Variants in TERF2 observed in about 807,000 individuals in gnomAD.
TERF2 encodes telomeric repeat-binding factor 2.
Under a neutral mutation model 56.1 loss-of-function variants are expected in TERF2, and 16 were observed. The ratio of observed to expected loss-of-function variants is 0.29; its 90% CI spans 0.19 to 0.43. The LOEUF (loss-of-function observed/expected upper bound fraction) is 0.43, where lower values mean the gene tolerates loss of function less well. Ranked by LOEUF, TERF2 falls within the 20% of genes least tolerant of loss-of-function variation. The probability of loss-of-function intolerance (pLI) is 1.00; values close to 1 mark genes in which losing one functional copy is unlikely to be tolerated. For synonymous variants in TERF2, 296 were observed against 282.1 expected (o/e 1.05, Z -0.50); for missense variants, 547 against 712.9 (o/e 0.77, Z 2.65).
rs560758673 is a variant in TERF2, at chr16:69,376,413, G to A, written c.607-4058C>T. 5.3e-5 allele frequency among the ~76,000 whole-genome samples: 8 copies of A among 152,192 alleles called. No individual in the cohort carries two copies. The South Asian group carries it at 8.3e-4, about 16-fold the overall frequency. On this transcript the variant is annotated intron_variant, in intron 3 of 9. Transcript: ENST00000254942. Reference sequence around the variant, plus strand: ...TTCTGTTCTACTAATCTCTATAGTCGTAATTACTGTAACTTTCTCATAATT... The same window carrying A: ...TTCTGTTCTACTAATCTCTATAGTCATAATTACTGTAACTTTCTCATAATT...
intron 3 of TERF2, among the ~76,000 whole-genome samples, chr16:69,382,469 A>G (rs1385874396): frequency 1.3e-5 from 2 of 152,214 alleles, no homozygotes; most frequent in South Asian, 2.1e-4. Context: ...GCAGCCCCCA[A>G]TGCGCCTCAC....
At chr16:69,362,616 C>T (rs1025516227) in intron 7 of TERF2, among the ~76,000 whole-genome samples, 1 of 152,150 alleles carries the variant, frequency 6.6e-6, no homozygotes, top group African/African-American at 2.4e-5. Context: ...ACGTTAAATG[C>T]TTGGGTGTGG....
At chr16:69,367,703 G>A (rs2013404287) in intron 6 of TERF2, among the ~76,000 whole-genome samples, 2 of 152,152 alleles carry the variant, frequency 1.3e-5, no homozygotes, top group Admixed American at 1.3e-4. Flanking sequence ...GTTAGGAGAG[G>A]GGGCAAACTG....
chr16:69,367,494 C>T (rs544788435), intron 6 of TERF2, among the ~76,000 whole-genome samples: 2 of 152,212 alleles, frequency 1.3e-5, no homozygotes, highest in East Asian at 1.9e-4. Context: ...CTCAAGCGAT[C>T]CACCCACCTC....
chr16:69,357,652 ACTT>A lies in TERF2; in HGVS notation c.1427-94_1427-92del, dbSNP rs1459814874. On this transcript the variant is annotated intron_variant, in intron 8 of 9. Coordinates refer to ENST00000254942, the MANE Select transcript of TERF2 (RefSeq NM_005652.5). ...GACATGGAATGTCCCCAAAGGGAAA[ACTT>A]CTTCAAATTTCACAAGCATTGAGAA... The A allele has an allele frequency of 7.5e-6, 11 of 1,468,230 alleles. No homozygotes were observed. In the East Asian group the frequency reaches 1.1e-4, roughly 15 times the overall value. 91.0% of individuals were successfully genotyped at this position (1,468,230 alleles called of 1,614,324 possible). A position where few individuals can be genotyped will look rare whatever the true frequency, so the allele number is the denominator to read the frequency against.
intron 8 of TERF2, among the ~76,000 whole-genome samples, chr16:69,357,782 C>G (rs1039965259): frequency 6.6e-6 from 1 of 152,034 alleles, no homozygotes; most frequent in Non-Finnish European, 1.5e-5. Context: ...GCTTTACAAA[C>G]AGGCATCCGT....
chr16:69,362,806 T>A (rs2142715203), intron 7 of TERF2, among the ~76,000 whole-genome samples: 1 of 152,346 alleles, frequency 6.6e-6, no homozygotes, highest in Admixed American at 6.5e-5. Context: ...AGTGTCTGAA[T>A]TCAGAGTCTT....
At chr16:69,359,311 TG>T in intron 8 of TERF2, among the ~76,000 whole-genome samples, 1 of 152,270 alleles carries the variant, frequency 6.6e-6, no homozygotes, top group East Asian at 1.9e-4. Flanking sequence ...GCGGATCACT[TG>T]AGGTCAGGAG....
intron 2 of TERF2, among the ~76,000 whole-genome samples, chr16:69,384,960 T>C (rs180945015): frequency 6.6e-6 from 1 of 152,284 alleles, no homozygotes; most frequent in Admixed American, 6.5e-5. Context: ...ATACCTGCAT[T>C]TGCCTCTCAA....
chr16:69,369,073 A>C (rs2013465247), intron 5 of TERF2, among the ~76,000 whole-genome samples: 1 of 77,886 alleles, frequency 1.3e-5, no homozygotes, highest in African/African-American at 6.7e-5. Context: ...GAGAATCCTT[A>C]TCTATATAAC....
At chr16:69,367,710 A>ACTGGCAGCCTGCAGGCCAAATCCAT (rs2013404503) in intron 6 of TERF2, among the ~76,000 whole-genome samples, 1 of 152,200 alleles carries the variant, frequency 6.6e-6, no homozygotes, top group South Asian at 2.1e-4. Context: ...GAGGGGGCAA[A>ACTGGCAGCCTGCAGGCCAAATCCAT]CTGGCAGCCT....
intron 3 of TERF2, among the ~76,000 whole-genome samples, chr16:69,378,512 ATCCT>A (rs1197130460): frequency 6.6e-6 from 1 of 152,226 alleles, no homozygotes; most frequent in Admixed American, 6.5e-5. Context: ...CCCTTGAGAG[ATCCT>A]TCCTTGCTCC....
intron 3 of TERF2, 23 bp downstream of exon 3, chr16:69,384,557 A>G: frequency 6.2e-7 from 1 of 1,607,714 alleles, no homozygotes; most frequent in Non-Finnish European, 8.5e-7. Context: ...TCAAAGAAAA[A>G]AGATATAAAA....
chr16:69,379,738 CAT>C, intron 3 of TERF2, among the ~76,000 whole-genome samples: 1 of 152,112 alleles, frequency 6.6e-6, no homozygotes, highest in Non-Finnish European at 1.5e-5. Flanking sequence ...TACAAGGTAA[CAT>C]AAATAACATC....
intron 1 of TERF2, 27 bp from the exon 2 acceptor site, chr16:69,385,513 G>C: frequency 6.2e-7 from 1 of 1,613,320 alleles, no homozygotes; most frequent in Non-Finnish European, 8.5e-7. Flanking sequence ...CGTTGGCTGG[G>C]CGACCCCCAG....
intron 3 of TERF2, among the ~76,000 whole-genome samples, chr16:69,381,097 G>A (rs893369445): frequency 6.6e-6 from 1 of 151,916 alleles, no homozygotes; most frequent in Non-Finnish European, 1.5e-5. Flanking sequence ...GAGCCACCGC[G>A]CCCAGCCTAA....
In TERF2 at chr16:69,385,964, G is replaced by A; in HGVS notation, c.8C>T (p.Ala3Val). ...AGCGGGGCCCGCCGTCCCGGCTCCC[G>A]CGGCCATGATAGAAACAGCGTTCCG... MAAGAGTAGPASG... is the reference protein window; with the variant it reads MAVGAGTAGPASG... The change falls in exon 1 of 10, where the codon GCG (alanine) becomes GTG (valine). Residue 3 changes from alanine (A) to valine (V), a missense_variant. Around this residue, in one of 6 missense-constraint regions of TERF2, gnomAD observed 85 missense variants for 59.5 expected, o/e 1.43. Transcript: ENST00000254942. The A allele has an allele frequency of 2.2e-6, 3 of 1,354,908 alleles. No homozygotes were observed. Among genetic ancestry groups the A allele is most frequent in the Non-Finnish European group, 2.8e-6 (3 of 1,053,736 alleles). The allele number at this position is 1,354,908 out of a possible 1,614,324, so 83.9% of individuals were successfully genotyped here.
Position 69,385,789 on chromosome 16 carries a change from C to T in TERF2, c.183G>A (p.Ala61=). 7.7e-7 allele frequency: 1 copy of T among 1,294,650 alleles called. No homozygotes were observed. The allele number at this position is 1,294,650 out of a possible 1,614,324, so 80.2% of individuals were successfully genotyped here. A position where few individuals can be genotyped will look rare whatever the true frequency, so the allele number is the denominator to read the frequency against. Reference sequence around the variant, plus strand: ...GCCGGGCCCGCCCGCTACTGCGGGACGCCCGCCTGCCAGCTGCCCGCCCGC... The same window carrying T: ...GCCGGGCCCGCCCGCTACTGCGGGATGCCCGCCTGCCAGCTGCCCGCCCGC... ...DGSGRAAGRR[A]SRSSGRARRG... Residue 61 remains alanine (A), a synonymous_variant, in exon 1 of 10, where the codon GCG becomes GCA. Transcript: ENST00000254942.
chr16:69,369,899 C>T (rs1054928791), intron 5 of TERF2, among the ~76,000 whole-genome samples: 1 of 152,202 alleles, frequency 6.6e-6, no homozygotes, highest in Non-Finnish European at 1.5e-5. Context: ...CTTTGGGAAC[C>T]ACCATCGATT....
Sources: gnomAD v4.1 joint callset for allele counts (sites outside exome capture counted in the v4.1 genomes callset) on GRCh38, gnomAD v4.1.1 for gene constraint, gnomAD v4.1.1 regional missense constraint, MANE v1.5 for transcripts, NCBI Gene and HGNC (gene_info 2026-07-23, HGNC 2026-07-21) for gene names.